LPP: variants seen among roughly 807,000 people sequenced by gnomAD.
LPP encodes lipoma-preferred partner.
A neutral mutation model predicts 60.4 loss-of-function variants in LPP; 38 were observed. The ratio of observed to expected loss-of-function variants is 0.63; its 90% CI spans 0.49 to 0.83. LPP has a LOEUF of 0.83. Among genes scored for constraint, LPP ranks in the 40% least tolerant of loss-of-function variants. The probability of loss-of-function intolerance (pLI) is 0.00; values close to 1 mark genes in which losing one functional copy is unlikely to be tolerated. For synonymous variants in LPP, 328 were observed against 290.8 expected (o/e 1.13, Z -1.30); for missense variants, 902 against 783.6 (o/e 1.15, Z -1.80).
chr3:188,624,864 T>C (rs548210861), intron 7 of LPP, among the ~76,000 whole-genome samples: 9 of 148,436 alleles, frequency 6.1e-5, no homozygotes, highest in South Asian at 4.5e-4. Context: ...ACAGTGACTC[T>C]ACAGATAAGA....
At chr3:188,513,409 T>C (rs1407973819) in intron 5 of LPP, among the ~76,000 whole-genome samples, 1 of 152,198 alleles carries the variant, frequency 6.6e-6, no homozygotes, top group Non-Finnish European at 1.5e-5. Flanking sequence ...ATATGTTTCA[T>C]ACAATGGGTT....
At chr3:188,238,307 A>T (rs1437571471) in intron 2 of LPP, among the ~76,000 whole-genome samples, 1 of 152,034 alleles carries the variant, frequency 6.6e-6, no homozygotes, top group Non-Finnish European at 1.5e-5. Flanking sequence ...CATCTCAGCA[A>T]TAAGGTTGTT....
intron 7 of LPP, among the ~76,000 whole-genome samples, chr3:188,649,259 T>C (rs935037002): frequency 1.7e-4 from 26 of 152,246 alleles, no homozygotes; most frequent in Non-Finnish European, 3.5e-4. Context: ...CAGTAGCATT[T>C]ACAGGTAAAG....
chr3:188,480,804 C>G (rs1393221564), intron 4 of LPP, among the ~76,000 whole-genome samples: 1 of 152,134 alleles, frequency 6.6e-6, no homozygotes, highest in Non-Finnish European at 1.5e-5. Context: ...ATATGAAGGT[C>G]TACAGCTTAG....
chr3:188,328,948 G>A (rs569271520), intron 2 of LPP, among the ~76,000 whole-genome samples: 43 of 152,192 alleles, frequency 2.8e-4, no homozygotes, highest in South Asian at 6.2e-4. Context: ...TCCCTGTCCC[G>A]CTTATTGTAT....
chr3:188,412,936 G>A (rs1472116906), intron 4 of LPP, among the ~76,000 whole-genome samples: 2 of 152,130 alleles, frequency 1.3e-5, no homozygotes, highest in Admixed American at 6.6e-5. Context: ...GTTTGGGGCT[G>A]AATTGATCCA....
In LPP at chr3:188,881,292, A is replaced by G. The variant is rs7612536; in HGVS notation, c.*6813A>G. 0.019 allele frequency: 3,606 copies of G among 193,690 alleles called. 123 individuals carry two copies. The highest frequency in any genetic ancestry group is 0.077 in the African/African-American group (3,350 of 43,294). 12.0% of individuals were successfully genotyped at this position (193,690 alleles called of 1,614,324 possible). A position where few individuals can be genotyped will look rare whatever the true frequency, so the allele number is the denominator to read the frequency against. On this transcript the variant is annotated 3_prime_UTR_variant, in exon 12 of 12. Coordinates refer to ENST00000617246, the MANE Select transcript of LPP (RefSeq NM_001375462.1). Reference sequence around the variant, plus strand: ...TCTATTCTAGCTCTGTAGCTCCACAAAACAAGTCTTAAGTCCAAATCTTTG... The same window carrying G: ...TCTATTCTAGCTCTGTAGCTCCACAGAACAAGTCTTAAGTCCAAATCTTTG...
intron 2 of LPP, among the ~76,000 whole-genome samples, chr3:188,291,212 G>A (rs1057211570): frequency 1.3e-5 from 2 of 152,174 alleles, no homozygotes; most frequent in African/African-American, 4.8e-5. Context: ...TAAAGCCTGT[G>A]TGTGTATGTG....
chr3:188,621,066 C>T (rs1177587922), intron 7 of LPP, among the ~76,000 whole-genome samples: 1 of 151,838 alleles, frequency 6.6e-6, no homozygotes, highest in African/African-American at 2.4e-5. Context: ...ATGTGTATAC[C>T]TGTGTTAAGA....
intron 9 of LPP, among the ~76,000 whole-genome samples, chr3:188,775,515 C>G (rs1265665180): frequency 6.6e-6 from 1 of 152,016 alleles, no homozygotes; most frequent in Non-Finnish European, 1.5e-5. Flanking sequence ...ATTTTGAAGA[C>G]AAGAGAAAAA....
chr3:188,729,530 T>G (rs1313035893), intron 8 of LPP, among the ~76,000 whole-genome samples: 1 of 152,214 alleles, frequency 6.6e-6, no homozygotes, highest in Non-Finnish European at 1.5e-5. Flanking sequence ...AGATTTAAAG[T>G]GCTTGTGGGA....
At chr3:188,234,606 A>G (rs1030527659) in intron 2 of LPP, among the ~76,000 whole-genome samples, 13 of 152,202 alleles carry the variant, frequency 8.5e-5, no homozygotes, top group Admixed American at 1.3e-4. Flanking sequence ...ATTCTCTGAC[A>G]CAGAGATGGT....
intron 6 of LPP, among the ~76,000 whole-genome samples, chr3:188,583,563 A>G (rs975396824): frequency 6.6e-6 from 1 of 152,070 alleles, no homozygotes; most frequent in Non-Finnish European, 1.5e-5. Context: ...GCAAATGATC[A>G]TTATCTCACT....
chr3:188,200,929 G>GT (rs1730913864), intron 1 of LPP, among the ~76,000 whole-genome samples: 1 of 151,998 alleles, frequency 6.6e-6, no homozygotes, highest in Non-Finnish European at 1.5e-5. Flanking sequence ...TTTAATATTT[G>GT]TTTATTTATG....
intron 3 of LPP, among the ~76,000 whole-genome samples, chr3:188,354,634 A>G (rs1470655028): frequency 6.6e-6 from 1 of 152,162 alleles, no homozygotes; most frequent in Admixed American, 6.5e-5. Context: ...TTAGATGGAA[A>G]CCAAACACTA....
intron 7 of LPP, among the ~76,000 whole-genome samples, chr3:188,678,081 T>C (rs1858531223): frequency 6.6e-6 from 1 of 152,196 alleles, no homozygotes; most frequent in African/African-American, 2.4e-5. Context: ...TGAGTACCTA[T>C]CTTGGAAATT....
At chr3:188,299,427 A>G (rs1749001276) in intron 2 of LPP, among the ~76,000 whole-genome samples, 1 of 152,212 alleles carries the variant, frequency 6.6e-6, no homozygotes, top group East Asian at 1.9e-4. Flanking sequence ...CTCCCTCAGC[A>G]TTACGTCGTC....
chr3:188,609,738 G>T lies in LPP; in HGVS notation c.1007G>T (p.Gly336Val). ...CGGGAACCAGGGTACACTCCTCCTG[G>T]AGCAGGGAACCAGAACCCTCCTGGG... ...WKREPGYTPP[G>V]AGNQNPPGMY... Residue 336 changes from glycine to valine, a missense_variant, in exon 7 of 12, where the codon GGA becomes GTA. Physicochemically the swap from Gly to Val is moderately radical, Grantham distance 109. Transcript: ENST00000617246. This position sits in a 1 kb window ranked among gnomAD's most constrained non-coding sequence, Gnocchi z 6.9. The T allele has an allele frequency of 3.1e-6, 5 of 1,614,110 alleles. No individual in the cohort carries two copies. Among genetic ancestry groups the T allele is most frequent in the Non-Finnish European group, 4.2e-6 (5 of 1,180,004 alleles).
At chr3:188,577,903 C>CCT (rs568814990) in intron 6 of LPP, among the ~76,000 whole-genome samples, 5 of 147,200 alleles carry the variant, frequency 3.4e-5, no homozygotes, top group African/African-American at 1.2e-4. Flanking sequence ...CCTCCATCTC[C>CCT]CTCTCTCTCT....
Sources: allele counts gnomAD v4.1 joint callset (sites outside exome capture counted in the v4.1 genomes callset), GRCh38; gene constraint gnomAD v4.1.1; non-coding constraint Gnocchi (gnomAD v3.1); transcripts MANE v1.5; gene names NCBI Gene and HGNC (gene_info 2026-07-23, HGNC 2026-07-21).